Variants in RBFOX1 observed in about 807,000 individuals in gnomAD.
The protein encoded by RBFOX1 is RNA binding protein fox-1 homolog 1.
A neutral mutation model predicts 57.7 loss-of-function variants in RBFOX1; 8 were observed. The ratio of observed to expected loss-of-function variants is 0.14; its 90% CI spans 0.08 to 0.25. RBFOX1 has a LOEUF of 0.25. Among genes scored for constraint, RBFOX1 ranks in the 10% least tolerant of loss-of-function variants. The probability of loss-of-function intolerance (pLI) is 1.00; values close to 1 mark genes in which losing one functional copy is unlikely to be tolerated. For synonymous variants in RBFOX1, 326 were observed against 222.4 expected, an observed-to-expected ratio of 1.47 and a Z score of -4.15; for missense variants, 611 against 548.5, an observed-to-expected ratio of 1.11 and a Z score of -1.14.
chr16:6,117,091 C>G (rs1311488323), intron 1 of RBFOX1, among the ~76,000 whole-genome samples: 1 of 152,106 alleles, frequency 6.6e-6, no homozygotes, highest in Admixed American at 6.6e-5. Context: ...CTCACCAAAG[C>G]CTTCTTGGAG....
intron 2 of RBFOX1, among the ~76,000 whole-genome samples, chr16:6,484,522 A>T (rs1482760740): frequency 6.6e-6 from 1 of 152,198 alleles, no homozygotes; most frequent in Non-Finnish European, 1.5e-5. Flanking sequence ...TTGCCTTCTC[A>T]AGTGATGGAA....
intron 4 of RBFOX1, among the ~76,000 whole-genome samples, chr16:5,911,939 G>T (rs1051183205): frequency 6.6e-6 from 1 of 152,026 alleles, no homozygotes; most frequent in African/African-American, 2.4e-5. Flanking sequence ...AATTTTGAGG[G>T]GACACAAACA....
At chr16:7,342,427 C>T (rs780973789) in intron 4 of RBFOX1, among the ~76,000 whole-genome samples, 29 of 152,300 alleles carry the variant, frequency 1.9e-4, no homozygotes, top group African/African-American at 7.0e-4. Flanking sequence ...CGGGGATGGT[C>T]ACATCGACTG....
intron 4 of RBFOX1, among the ~76,000 whole-genome samples, chr16:7,132,385 C>T (rs968316355): frequency 6.7e-6 from 1 of 150,358 alleles, no homozygotes; most frequent in Non-Finnish European, 1.5e-5. Context: ...ATGGAAGCAA[C>T]CTAAAGGTCC....
At chr16:7,222,338 A>G (rs547770621) in intron 4 of RBFOX1, among the ~76,000 whole-genome samples, 41 of 152,358 alleles carry the variant, frequency 2.7e-4, no homozygotes, top group African/African-American at 9.4e-4. Flanking sequence ...CATGTTGGCT[A>G]TATAGGTAGT....
intron 3 of RBFOX1, among the ~76,000 whole-genome samples, chr16:7,044,335 A>C (rs2047180097): frequency 6.6e-6 from 1 of 152,218 alleles, no homozygotes; most frequent in Non-Finnish European, 1.5e-5. Flanking sequence ...GTGGGAGAGA[A>C]AAATCAGACT....
chr16:7,172,054 T>C (rs190389109), intron 4 of RBFOX1, among the ~76,000 whole-genome samples: 26 of 146,082 alleles, frequency 1.8e-4, no homozygotes, highest in Admixed American at 8.7e-4. Flanking sequence ...TCACATGATA[T>C]TGGGCAATTT....
intron 3 of RBFOX1, among the ~76,000 whole-genome samples, chr16:5,648,921 G>A (rs555341804): frequency 7.2e-5 from 11 of 151,790 alleles, no homozygotes; most frequent in African/African-American, 2.4e-4. Flanking sequence ...AAAATTAGCC[G>A]GGTGTGATGG....
At chr16:6,748,346 C>T (rs1193883058) in intron 3 of RBFOX1, among the ~76,000 whole-genome samples, 1 of 151,892 alleles carries the variant, frequency 6.6e-6, no homozygotes, top group Non-Finnish European at 1.5e-5. Context: ...TAACTATATA[C>T]ATATGTATGT....
intron 3 of RBFOX1, among the ~76,000 whole-genome samples, chr16:6,732,130 A>G (rs1487089507): frequency 6.6e-6 from 1 of 151,994 alleles, no homozygotes; most frequent in East Asian, 1.9e-4. Flanking sequence ...TCTTCTGCAT[A>G]GTTTCTGGTC....
chr16:6,630,747 A>G (rs1175437151), intron 2 of RBFOX1, among the ~76,000 whole-genome samples: 1 of 152,098 alleles, frequency 6.6e-6, no homozygotes, highest in African/African-American at 2.4e-5. Flanking sequence ...ATTTATGATG[A>G]AAATACCATG....
chr16:5,316,352 C>T (rs1187928908), intron 1 of RBFOX1, among the ~76,000 whole-genome samples: 1 of 152,226 alleles, frequency 6.6e-6, no homozygotes, highest in Non-Finnish European at 1.5e-5. Flanking sequence ...TTTGTCTTTG[C>T]TCAACTGTGT....
intron 4 of RBFOX1, among the ~76,000 whole-genome samples, chr16:7,211,493 C>G (rs1345499578): frequency 6.6e-6 from 1 of 151,416 alleles, no homozygotes; most frequent in Non-Finnish European, 1.5e-5. Flanking sequence ...GGCTCTAGGA[C>G]TCTATCACTA....
At chr16:7,410,249 G>A (rs1352516995) in intron 4 of RBFOX1, among the ~76,000 whole-genome samples, 3 of 152,166 alleles carry the variant, frequency 2.0e-5, no homozygotes, top group African/African-American at 7.2e-5. Context: ...ATATGTGTTG[G>A]CTCCTTAGAC....
In RBFOX1 at chr16:6,450,767, GTATATATATA is replaced by G. The variant is rs371495786; in HGVS notation, c.-64+133723_-64+133732del. Among the ~76,000 whole-genome samples, 48 of 34,136 alleles carry G rather than the reference GTATATATATA, an allele frequency of 1.4e-3. 4 individuals carry two copies. The highest frequency in any genetic ancestry group is 5.9e-3 in the African/African-American group (45 of 7,608). The allele number at this position is 34,136 out of a possible 152,430, so 22.4% of individuals were successfully genotyped here. On this transcript the variant is annotated intron_variant, in intron 2 of 15. Coordinates refer to ENST00000550418, the MANE Select transcript of RBFOX1 (RefSeq NM_018723.4). ...TATATATATATACATATATATATGTGTATATATATATATATATATATACATATATATATGT... is the reference window on the plus strand; with the variant it reads ...TATATATATATACATATATATATGTGTATATATATATACATATATATATGT...
chr16:6,179,022 T>C (rs1458929545), intron 1 of RBFOX1, among the ~76,000 whole-genome samples: 1 of 152,164 alleles, frequency 6.6e-6, no homozygotes, highest in Non-Finnish European at 1.5e-5. Context: ...CAACAAGCCA[T>C]CTGGAGACCA....
intron 5 of RBFOX1, among the ~76,000 whole-genome samples, chr16:7,532,114 G>C (rs1439266454): frequency 1.3e-5 from 2 of 148,474 alleles, no homozygotes; most frequent in Non-Finnish European, 3.0e-5. Flanking sequence ...GCCTTTTTTA[G>C]GGGGAGAAAC....
At chr16:6,872,806 C>G (rs1395350450) in intron 3 of RBFOX1, among the ~76,000 whole-genome samples, 2 of 152,046 alleles carry the variant, frequency 1.3e-5, no homozygotes, top group African/African-American at 4.8e-5. Flanking sequence ...TGCCTTCGAA[C>G]AAAATGGTTA....
At chr16:5,411,889 A>G (rs542724761) in intron 1 of RBFOX1, among the ~76,000 whole-genome samples, 1 of 152,182 alleles carries the variant, frequency 6.6e-6, no homozygotes, top group Non-Finnish European at 1.5e-5. Flanking sequence ...TCTCAAAGGA[A>G]AAAAAGAAAA....
Sources: gnomAD v4.1 joint callset for allele counts (sites outside exome capture counted in the v4.1 genomes callset) on GRCh38, gnomAD v4.1.1 for gene constraint, MANE v1.5 for transcripts, NCBI Gene and HGNC (gene_info 2026-07-23, HGNC 2026-07-21) for gene names.